CYP2B6: variants seen among roughly 807,000 people sequenced by gnomAD.
The protein encoded by CYP2B6 is cytochrome P450 2B6.
A neutral mutation model predicts 43.4 loss-of-function variants in CYP2B6; 35 were observed. The ratio of observed to expected loss-of-function variants is 0.81; its 90% CI spans 0.62 to 1.07. CYP2B6 has a LOEUF of 1.07. CYP2B6 is among the 50% of genes least tolerant of loss of function. The pLI, the probability that CYP2B6 is intolerant of heterozygous loss-of-function variation, is 0.00. For missense variants in CYP2B6, 624 were observed against 632.8 expected, an observed-to-expected ratio of 0.99 and a Z score of 0.15; for synonymous variants, 239 against 239.2, an observed-to-expected ratio of 1.00 and a Z score of 0.01.
rs200768609 is a variant in CYP2B6, at chr19:40,991,404, G to A, written c.99G>A (p.Gly33=). 22 of 1,614,076 alleles carry A rather than the reference G, an allele frequency of 1.4e-5. 1 individual carries two copies. The Admixed American group carries it at 2.2e-4, about 16-fold the overall frequency. Residue 33 remains glycine (G), a synonymous_variant, in exon 1 of 9, where the codon GGG becomes GGA. Transcript: ENST00000324071. The part of the protein sequence containing the change: ...HPNTHDRLPP[G]PRPLPLLGNL... ...ACACCCATGACCGCCTCCCACCAGG[G>A]CCCCGCCCTCTGCCCCTTTTGGGAA...
chr19:41,013,446 T>C (rs1969315423), intron 8 of CYP2B6, among the ~76,000 whole-genome samples: 3 of 152,190 alleles, frequency 2.0e-5, no homozygotes, highest in African/African-American at 7.2e-5. Flanking sequence ...GCTAACATGT[T>C]CATGGGTGAG....
At chr19:41,009,824 G>A (rs1024867388) in intron 5 of CYP2B6, 170 bp from the exon 6 acceptor site, 32 of 688,754 alleles carry the variant, frequency 4.6e-5, no homozygotes, top group African/African-American at 3.7e-4. Context: ...GGCTGAGAGA[G>A]ATGAGTTAGA....
At chr19:40,995,952 A>C (rs949077306) in intron 1 of CYP2B6, among the ~76,000 whole-genome samples, 3 of 152,198 alleles carry the variant, frequency 2.0e-5, no homozygotes, top group African/African-American at 4.8e-5. Flanking sequence ...TTTTAAACAT[A>C]TTAAGGTGGG....
At position 41,003,987 on chromosome 19, in the gene CYP2B6, G is replaced by T; in HGVS notation, c.172-14G>T. 1 of 1,612,114 alleles carries T rather than the reference G, an allele frequency of 6.2e-7. No individual in the cohort carries two copies. Among genetic ancestry groups the T allele is most frequent in the Non-Finnish European group, 8.5e-7 (1 of 1,178,354 alleles). Reference sequence around the variant, plus strand: ...CTGACTAACAGCCACCCCTGGTGTGGATGTGATTGGCAGTTCCGAGAGAAA... The same window carrying T: ...CTGACTAACAGCCACCCCTGGTGTGTATGTGATTGGCAGTTCCGAGAGAAA... On this transcript the variant is annotated splice_polypyrimidine_tract_variant and intron_variant, in intron 1 of 8. Transcript: ENST00000324071.
intron 6 of CYP2B6, 23 bp from the exon 7 acceptor site, chr19:41,012,275 C>T: frequency 6.2e-7 from 1 of 1,612,076 alleles, no homozygotes; most frequent in Non-Finnish European, 8.5e-7. Context: ...AAATGAGATT[C>T]ATTGGTCTTC....
chr19:41,009,956 C>T, intron 5 of CYP2B6, 38 bp from the exon 6 acceptor site: 1 of 1,613,548 alleles, frequency 6.2e-7, no homozygotes, highest in African/African-American at 1.3e-5. Flanking sequence ...GCTACAGCCT[C>T]CCCTGACCCT....
rs753307985 is a variant in CYP2B6 at position 41,004,146 on chromosome 19, C to A, written c.317C>A (p.Pro106Gln). ...CGGGGAAAAATCGCCATGGTCGACC[C>A]ATTCTTCCGGGGATATGGTGAGAGC... is the stretch of plus-strand genomic sequence containing the variant. ...SGRGKIAMVD[P>Q]FFRGYGVIFA... The change falls in exon 2 of 9, where the codon CCA becomes CAA. Residue 106 changes from proline (P) to glutamine (Q), a missense_variant. Pro to Gln is a moderately conservative substitution (Grantham distance 76, BLOSUM62 -1). Transcript: ENST00000324071. 1 of 1,388,236 alleles carries A rather than the reference C, an allele frequency of 7.2e-7. No homozygotes were observed. The highest frequency in any genetic ancestry group is 1.1e-5 in the South Asian group (1 of 87,702). 86.0% of individuals were successfully genotyped at this position (1,388,236 alleles called of 1,614,324 possible). A position where few individuals can be genotyped will look rare whatever the true frequency, so the allele number is the denominator to read the frequency against.
intron 1 of CYP2B6, among the ~76,000 whole-genome samples, chr19:41,003,104 T>G (rs1599845459): frequency 1.3e-5 from 2 of 152,132 alleles, no homozygotes; most frequent in African/African-American, 4.8e-5. Flanking sequence ...ACATTTTTGC[T>G]GGGCATGTAC....
chr19:40,994,179 T>A (rs1434036053), intron 1 of CYP2B6, among the ~76,000 whole-genome samples: 1 of 152,084 alleles, frequency 6.6e-6, no homozygotes, highest in Admixed American at 6.6e-5. Flanking sequence ...TTATTGACTG[T>A]TTTGGCTTTT....
Position 41,013,331 on chromosome 19 carries a change from G to A in CYP2B6, c.1294+516G>A, listed in dbSNP as rs145801509. Among the ~76,000 whole-genome samples the A allele has an allele frequency of 8.7e-4, 133 of 152,184 alleles. 1 individual carries two copies. The highest frequency in any genetic ancestry group is 3.4e-3 in the Middle Eastern group (1 of 294). ...ATTATTATTATAATTAGACATAATTGTGATAAGTGCTCTAAAGGGAGCTTT... is the reference window on the plus strand; with the variant it reads ...ATTATTATTATAATTAGACATAATTATGATAAGTGCTCTAAAGGGAGCTTT... On this transcript the variant is annotated intron_variant, in intron 8 of 8. Coordinates refer to ENST00000324071, the MANE Select transcript of CYP2B6 (RefSeq NM_000767.5).
At chr19:41,010,691 T>C (rs1008317322) in intron 6 of CYP2B6, among the ~76,000 whole-genome samples, 1 of 152,152 alleles carries the variant, frequency 6.6e-6, no homozygotes, top group Non-Finnish European at 1.5e-5. Context: ...TTTTGTTACA[T>C]GCGTAGGTTT....
At chr19:41,005,154 A>G (rs1969157225) in intron 3 of CYP2B6, among the ~76,000 whole-genome samples, 1 of 152,176 alleles carries the variant, frequency 6.6e-6, no homozygotes, top group Non-Finnish European at 1.5e-5. Context: ...ATGAGCTGGC[A>G]GTGAGCAGAC....
intron 4 of CYP2B6, among the ~76,000 whole-genome samples, chr19:41,008,369 AC>A (rs1969228030): frequency 7.0e-6 from 1 of 142,758 alleles, no homozygotes; most frequent in Non-Finnish European, 1.5e-5. Flanking sequence ...GCGCCACCAC[AC>A]CCAGCTAATT....
chr19:40,999,493 G>C (rs1043033021), intron 1 of CYP2B6, among the ~76,000 whole-genome samples: 2 of 152,016 alleles, frequency 1.3e-5, no homozygotes, highest in African/African-American at 4.8e-5. Flanking sequence ...TGAAGTCCTT[G>C]CCCATGCCTA....
At position 41,016,524 on chromosome 19, in the gene CYP2B6, G is replaced by T. The variant is rs35799596; in HGVS notation, c.1295-122G>T. 4.3e-4 allele frequency: 430 copies of T among 992,646 alleles called. 4 individuals carry two copies. In the East Asian group the frequency reaches 0.012, roughly 27 times the overall value. 61.5% of individuals were successfully genotyped at this position (992,646 alleles called of 1,614,324 possible). On this transcript the variant is annotated intron_variant, in intron 8 of 8. Transcript: ENST00000324071. ...CCTAAAAGTCCACCCTGAATTGTAG[G>T]TTAAAGGCCAGTCTTATGCAAATCT...
At chr19:40,994,305 A>C (rs1383288866) in intron 1 of CYP2B6, among the ~76,000 whole-genome samples, 2 of 152,122 alleles carry the variant, frequency 1.3e-5, no homozygotes, top group African/African-American at 4.8e-5. Flanking sequence ...GCAAACCTCA[A>C]GATACTCAAG....
Position 41,006,927 on chromosome 19 carries a change from C to T in CYP2B6, c.507C>T (p.Phe169=). 1.2e-6 allele frequency: 2 copies of T among 1,613,930 alleles called. No homozygotes were observed. The highest frequency in any genetic ancestry group is 1.7e-6 in the Non-Finnish European group (2 of 1,180,022). The change falls in exon 4 of 9, where the codon TTC becomes TTT. Residue 169 remains phenylalanine (F), a synonymous_variant. Coordinates refer to ENST00000324071, the MANE Select transcript of CYP2B6 (RefSeq NM_000767.5). The stretch of plus-strand genomic sequence containing the variant: ...TAGGGGCCCTCATGGACCCCACCTT[C>T]CTCTTCCAGTCCATTACCGCCAACA... ...KSKGALMDPT[F]LFQSITANII...
intron 6 of CYP2B6, among the ~76,000 whole-genome samples, chr19:41,010,376 G>A (rs1969262029): frequency 6.7e-6 from 1 of 150,224 alleles, no homozygotes; most frequent in Admixed American, 6.6e-5. Flanking sequence ...TTGTTCTAAG[G>A]TTTTTGTTTG....
chr19:41,016,399 CAAAAAAAAA>C lies in CYP2B6; in HGVS notation c.1295-220_1295-212del, dbSNP rs869180190. 1.2e-3 allele frequency among the ~76,000 whole-genome samples: 90 copies of C among 76,864 alleles called. 1 individual carries two copies. Among genetic ancestry groups the C allele is most frequent in the African/African-American group, 3.6e-3 (85 of 23,780 alleles). The allele number at this position is 76,864 out of a possible 152,430, so 50.4% of individuals were successfully genotyped here. Reference sequence around the variant, plus strand: ...TGGGTGACAAAGAGAGACTCCATCTCAAAAAAAAAAAAAAAAAAAAAAAAAAAAAAAAAA... The same window carrying C: ...TGGGTGACAAAGAGAGACTCCATCTCAAAAAAAAAAAAAAAAAAAAAAAAA... On this transcript the variant is annotated intron_variant, in intron 8 of 8. Transcript: ENST00000324071.
Sources: gnomAD v4.1 joint callset for allele counts (sites outside exome capture counted in the v4.1 genomes callset) on GRCh38, gnomAD v4.1.1 for gene constraint, MANE v1.5 for transcripts, NCBI Gene and HGNC (gene_info 2026-07-23, HGNC 2026-07-21) for gene names.